The following MBOAT7 variants were observed in gnomAD, a reference collection of about 807,000 sequenced individuals.
The protein encoded by MBOAT7 is membrane bound acylglycerophosphatidylinositol O-acyltransferase MBOAT7, also known as membrane-bound acylglycerophosphatidylinositol O-acyltransferase MBOAT7.
MBOAT7 carries 40 observed loss-of-function variants against 47.4 expected under a neutral mutation model. That is an observed-to-expected ratio of 0.84 (90% CI 0.66 to 1.10). The LOEUF is 1.10. MBOAT7 is among the 50% of genes least tolerant of loss of function. The pLI is 0.00. For missense variants in MBOAT7, 680 were observed against 655.6 expected (o/e 1.04, Z -0.41); for synonymous variants, 361 against 292.0 (o/e 1.24, Z -2.41).
At chr19:54,178,738 C>T (rs777534486) in intron 7 of MBOAT7, 27 bp downstream of exon 7, 3 of 1,609,538 alleles carry the variant, frequency 1.9e-6, no homozygotes, top group African/African-American at 2.7e-5. Flanking sequence ...TCTGCAGTGT[C>T]ACCTGAGACT....
chr19:54,187,849 C>G (rs1056929893), intron 3 of MBOAT7, among the ~76,000 whole-genome samples: 31 of 151,996 alleles, frequency 2.0e-4, no homozygotes, highest in African/African-American at 7.0e-4. Context: ...AACCCCAGCT[C>G]TATTAAAAAT....
At chr19:54,188,624 T>C in intron 1 of MBOAT7, 113 bp from the exon 2 acceptor site, 2 of 986,070 alleles carry the variant, frequency 2.0e-6, no homozygotes, top group South Asian at 1.6e-5. Flanking sequence ...TTGAGGATGA[T>C]GGAGTATGAG....
rs541777551 is a variant in MBOAT7 at position 54,183,442 on chromosome 19, G to A, written c.493+79C>T. 1.5e-4 allele frequency: 235 copies of A among 1,528,958 alleles called. 1 individual carries two copies. In the African/African-American group the frequency reaches 2.4e-3, roughly 16 times the overall value. The allele number at this position is 1,528,958 out of a possible 1,614,324, so 94.7% of individuals were successfully genotyped here. A position where few individuals can be genotyped will look rare whatever the true frequency, so the allele number is the denominator to read the frequency against. Reference sequence around the variant, plus strand: ...GGATGGAGGTTGCCCTGGGCAGGGCGGGAACACAGAACAGGCACTCAGGGC... The same window carrying A: ...GGATGGAGGTTGCCCTGGGCAGGGCAGGAACACAGAACAGGCACTCAGGGC... On this transcript the variant is annotated intron_variant, in intron 5 of 7. Transcript: ENST00000245615.
chr19:54,176,712 A>C (rs891658557), intron 7 of MBOAT7, among the ~76,000 whole-genome samples: 1 of 152,076 alleles, frequency 6.6e-6, no homozygotes, highest in South Asian at 2.1e-4. Context: ...GCACTTGTCT[A>C]AACACTGGGG....
intron 7 of MBOAT7, among the ~76,000 whole-genome samples, chr19:54,176,859 C>T (rs1369988163): frequency 3.3e-5 from 5 of 151,958 alleles, no homozygotes; most frequent in Non-Finnish European, 5.9e-5. Context: ...TTGAGACCAG[C>T]CTGGTCAACA....
rs778703267 is a variant in MBOAT7 at position 54,180,978 on chromosome 19, C to A, written c.649G>T (p.Val217Leu). ...CGGGCGTAGAAGGCGTCCTCGCGCA[C>A]GGCCTCCAGCGGGAAGAGGTGAGAG... Reference protein sequence around the residue: ...LSSHLFPLEAVREDAFYARPL... With the variant: ...LSSHLFPLEALREDAFYARPL... The change falls in exon 6 of 8, where the codon GTG becomes TTG. Residue 217 changes from valine (V) to leucine (L), a missense_variant. Transcript: ENST00000245615. The surrounding 1 kb of genome is among the most constrained non-coding windows in gnomAD (Gnocchi z 5.2). 2 of 1,567,036 alleles carry A rather than the reference C, an allele frequency of 1.3e-6. No individual in the cohort carries two copies. Among genetic ancestry groups the A allele is most frequent in the Non-Finnish European group, 1.7e-6 (2 of 1,156,988 alleles).
chr19:54,183,176 T>C (rs537805717), intron 5 of MBOAT7, among the ~76,000 whole-genome samples: 16 of 152,280 alleles, frequency 1.1e-4, no homozygotes, highest in Admixed American at 9.2e-4. Context: ...GAAAAATATT[T>C]CCTTAAGCTG....
At chr19:54,185,193 A>C (rs749122079) in intron 4 of MBOAT7, among the ~76,000 whole-genome samples, 1 of 152,162 alleles carries the variant, frequency 6.6e-6, no homozygotes, top group Non-Finnish European at 1.5e-5. Context: ...CAACAGAGCG[A>C]GACTCCATCT....
chr19:54,189,435 G>A lies in MBOAT7; in HGVS notation c.-101C>T, dbSNP rs564449509. On this transcript the variant is annotated 5_prime_UTR_variant, in exon 1 of 8. Transcript: ENST00000245615. ...CCCCCGCCCAGCGCGCCCCCGCGCC[G>A]CCTGCTCCTTCTGGGCGCCCGCCGG... The A allele has an allele frequency of 1.3e-3, 200 of 152,938 alleles. No homozygotes were observed. Among genetic ancestry groups the A allele is most frequent in the Admixed American group, 1.8e-3 (27 of 15,298 alleles). 9.5% of individuals were successfully genotyped at this position (152,938 alleles called of 1,614,324 possible). A position where few individuals can be genotyped will look rare whatever the true frequency, so the allele number is the denominator to read the frequency against.
chr19:54,182,413 A>G (rs776338891), intron 5 of MBOAT7, among the ~76,000 whole-genome samples: 3 of 152,014 alleles, frequency 2.0e-5, no homozygotes, highest in Non-Finnish European at 4.4e-5. Flanking sequence ...TTTGCAGGGT[A>G]TGAAACTGTT....
intron 7 of MBOAT7, 38 bp from the exon 8 acceptor site, chr19:54,174,469 G>A: frequency 6.7e-7 from 1 of 1,483,370 alleles, no homozygotes; most frequent in Non-Finnish European, 8.9e-7. Flanking sequence ...TACGAGTCCA[G>A]GTCCCCAGTG....
chr19:54,183,500 T>C (rs1400688701), intron 5 of MBOAT7, 21 bp downstream of exon 5: 27 of 1,602,760 alleles, frequency 1.7e-5, no homozygotes, highest in Non-Finnish European at 2.2e-5. Context: ...GCGGCAGAGT[T>C]GTTAGGGCAG....
chr19:54,174,975 G>GTTT (rs34483717), intron 7 of MBOAT7, among the ~76,000 whole-genome samples: 5 of 127,880 alleles, frequency 3.9e-5, no homozygotes, highest in South Asian at 2.6e-4. Flanking sequence ...CAGCCCAGTG[G>GTTT]TTTTTTTTTT....
At position 54,181,017 on chromosome 19, in the gene MBOAT7, G is replaced by C; in HGVS notation, c.610C>G (p.Leu204Val). 6.4e-7 allele frequency: 1 copy of C among 1,556,096 alleles called. No individual in the cohort carries two copies. Among genetic ancestry groups the C allele is most frequent in the Non-Finnish European group, 8.7e-7 (1 of 1,150,530 alleles). Reference sequence around the variant, plus strand: ...AAGAGGTGAGAGGAGAGCAGGAACAGCAGGCCGAAGAGCGGGGCCGGCCAG... The same window carrying C: ...AAGAGGTGAGAGGAGAGCAGGAACACCAGGCCGAAGAGCGGGGCCGGCCAG... ...RAWPAPLFGLLFLLSSHLFPL... is the reference protein window; with the variant it reads ...RAWPAPLFGLVFLLSSHLFPL... Residue 204 changes from leucine to valine, a missense_variant, in exon 6 of 8, where the codon CTG becomes GTG. Transcript: ENST00000245615.
intron 3 of MBOAT7, among the ~76,000 whole-genome samples, chr19:54,188,015 C>CAGAAAGAAAGAA (rs374807150): frequency 0.01 from 808 of 78,072 alleles, 10 homozygotes; most frequent in African/African-American, 0.02. Flanking sequence ...AACTCCATCT[C>CAGAAAGAAAGAA]AGAAAGAAAG....
chr19:54,175,242 T>C (rs1261308926), intron 7 of MBOAT7, among the ~76,000 whole-genome samples: 3 of 152,148 alleles, frequency 2.0e-5, no homozygotes, highest in Admixed American at 1.3e-4. Flanking sequence ...CCTCCCAAAG[T>C]GCTGGGATCA....
rs2076016486 is a variant in MBOAT7, at chr19:54,174,382, C to T, written c.1081G>A (p.Gly361Ser). The T allele has an allele frequency of 1.2e-6, 2 of 1,606,974 alleles. No homozygotes were observed. Reference sequence around the variant, plus strand: ...ATGGTCAGGAAGCTCAGGTAGTAGCCCGGGTGGAGGCCGTGCCAGTAGGCG... The same window carrying T: ...ATGGTCAGGAAGCTCAGGTAGTAGCTCGGGTGGAGGCCGTGCCAGTAGGCG... ...LSAYWHGLHP[G>S]YYLSFLTIPL... The change falls in exon 8 of 8, where the codon GGC becomes AGC. Residue 361 changes from glycine to serine, a missense_variant. By Grantham distance (56) the Gly-to-Ser change is moderately conservative. Coordinates refer to ENST00000245615, the MANE Select transcript of MBOAT7 (RefSeq NM_024298.5).
At chr19:54,185,364 C>T (rs963633491) in intron 4 of MBOAT7, among the ~76,000 whole-genome samples, 2 of 152,128 alleles carry the variant, frequency 1.3e-5, no homozygotes, top group African/African-American at 4.8e-5. Context: ...CAGGCCTACA[C>T]AACCCTTTTT....
At chr19:54,179,446 G>A (rs2076206619) in intron 6 of MBOAT7, 1 of 159,216 alleles carries the variant, frequency 6.3e-6, no homozygotes, top group African/African-American at 2.4e-5. Context: ...TAGCAACAAT[G>A]CCTAGGATGT....
Sources: gnomAD v4.1 joint callset for allele counts (sites outside exome capture counted in the v4.1 genomes callset) on GRCh38, gnomAD v4.1.1 for gene constraint, Gnocchi (gnomAD v3.1) non-coding constraint, MANE v1.5 for transcripts, NCBI Gene and HGNC (gene_info 2026-07-23, HGNC 2026-07-21) for gene names.